USP39: variants seen among roughly 807,000 people sequenced by gnomAD.
USP39 encodes ubiquitin carboxyl-terminal hydrolase 39.
USP39 carries 38 observed loss-of-function variants against 66.4 expected under a neutral mutation model. That is an observed-to-expected ratio of 0.57 (90% CI 0.44 to 0.75). The LOEUF is 0.75. USP39 is among the 30% of genes least tolerant of loss of function. The probability of loss-of-function intolerance (pLI) is 0.00; values close to 1 mark genes in which losing one functional copy is unlikely to be tolerated. For synonymous variants in USP39, 303 were observed against 274.6 expected (o/e 1.10, Z -1.02); for missense variants, 608 against 714.4 (o/e 0.85, Z 1.70).
chr2:85,613,126 G>A (rs1217207142), upstream of USP39, among the ~76,000 whole-genome samples: 3 of 152,130 alleles, frequency 2.0e-5, no homozygotes, highest in Non-Finnish European at 4.4e-5. Context: ...TTGGGATGCC[G>A]AAGTGGGAGT....
In USP39 at chr2:85,620,137, C is replaced by T. The variant is rs1157832633; in HGVS notation, c.338+848C>T. Among the ~76,000 whole-genome samples the T allele has an allele frequency of 2.7e-5, 4 of 150,584 alleles. No homozygotes were observed. In the East Asian group the frequency reaches 8.0e-4, roughly 30 times the overall value. On this transcript the variant is annotated intron_variant, in intron 2 of 12. Transcript: ENST00000323701. ...CCTCCCAAAGTGCTGGGATTACAGG[C>T]ATGAGCCACCACGCCCAGCCAACGA...
In USP39 at chr2:85,617,506, C is replaced by T. The variant is rs185162410; in HGVS notation, c.268+1043C>T. On this transcript the variant is annotated intron_variant, in intron 1 of 12. Transcript: ENST00000323701. ...GCCTTGGAAGATAGAAATGGTGTCT[C>T]CCTACAAAACGAGGAGACAAGGGCA... is the stretch of plus-strand genomic sequence containing the variant. 2.0e-5 allele frequency among the ~76,000 whole-genome samples: 3 copies of T among 152,064 alleles called. No individual in the cohort carries two copies. The South Asian group carries it at 6.2e-4, about 31-fold the overall frequency.
upstream of USP39, chr2:85,608,907 G>A (rs1673322892): frequency 1.2e-6 from 2 of 1,607,882 alleles, no homozygotes; most frequent in Admixed American, 3.3e-5. Flanking sequence ...TCTTCCGAGT[G>A]CAGTGAATCC....
At chr2:85,634,263 A>G (rs1675592749) in intron 6 of USP39, among the ~76,000 whole-genome samples, 1 of 152,014 alleles carries the variant, frequency 6.6e-6, no homozygotes, top group Admixed American at 6.6e-5. Context: ...CGGGTTGGTT[A>G]CAACATGGCC....
At position 85,616,304 on chromosome 2, in the gene USP39, G is replaced by A. The variant is rs1004362393; in HGVS notation, c.109G>A (p.Glu37Lys). The change falls in exon 1 of 13, where the codon GAG (glutamate) becomes AAG (lysine). Residue 37 changes from glutamate (E) to lysine (K), a missense_variant. Glu to Lys is a moderately conservative substitution (Grantham distance 56, BLOSUM62 1). Coordinates refer to ENST00000323701, the MANE Select transcript of USP39 (RefSeq NM_006590.4). Reference protein sequence around the residue: ...RVKRERDREREPEAASSRGSP... With the variant: ...RVKRERDRERKPEAASSRGSP... ...CAAGCGGGAGCGAGATCGGGAGCGG[G>A]AGCCTGAGGCGGCGAGCTCCCGGGG... 3 of 1,579,412 alleles carry A rather than the reference G, an allele frequency of 1.9e-6. No individual in the cohort carries two copies. Among genetic ancestry groups the A allele is most frequent in the African/African-American group, 1.4e-5 (1 of 73,098 alleles).
chr2:85,611,204 A>G, upstream of USP39: 1 of 1,185,058 alleles, frequency 8.4e-7, no homozygotes, highest in South Asian at 1.9e-5. Context: ...ACCTAGTCTC[A>G]AAAATAAAAT....
At chr2:85,607,071 G>A (rs12991467) in intron 1 of USP39, 9,142 of 152,100 alleles carry the variant, frequency 0.06, 368 homozygotes, top group Non-Finnish European at 0.087. Context: ...ATAAGAATGC[G>A]GTCTAAATTT....
intron 8 of USP39, 54 bp downstream of exon 8, chr2:85,637,490 A>G: frequency 6.3e-7 from 1 of 1,581,818 alleles, no homozygotes; most frequent in South Asian, 1.1e-5. Context: ...GAGGGGACGT[A>G]GGGGAGATGA....
At chr2:85,614,199 CA>C (rs1673760695), upstream of USP39, among the ~76,000 whole-genome samples, 1 of 152,024 alleles carries the variant, frequency 6.6e-6, no homozygotes. Flanking sequence ...GTCCACAGTG[CA>C]AAGTAAAAGC....
chr2:85,647,837 T>G (rs532919988), intron 11 of USP39, 93 bp from the exon 12 acceptor site: 1 of 1,141,504 alleles, frequency 8.8e-7, no homozygotes, highest in Non-Finnish European at 1.3e-6. Flanking sequence ...GTGGCTGTTC[T>G]TCTAATTTTT....
chr2:85,625,762 T>C, intron 5 of USP39, 71 bp downstream of exon 5: 2 of 1,561,216 alleles, frequency 1.3e-6, no homozygotes, highest in Non-Finnish European at 1.7e-6. Flanking sequence ...CTCACCCCTG[T>C]AATCCCAGCA....
chr2:85,635,722 G>T (rs529436226), intron 6 of USP39, among the ~76,000 whole-genome samples: 81 of 152,198 alleles, frequency 5.3e-4, no homozygotes, highest in Non-Finnish European at 9.1e-4. Context: ...TTCATGAGCT[G>T]CAGAAGGGAA....
upstream of USP39, chr2:85,608,235 G>C (rs147187251): frequency 6.6e-6 from 1 of 152,350 alleles, no homozygotes; most frequent in East Asian, 1.9e-4. Flanking sequence ...ACAGTGCAAA[G>C]CAGTGGAACA....
chr2:85,615,861 C>T (rs1306315415), upstream of USP39, among the ~76,000 whole-genome samples: 11 of 152,184 alleles, frequency 7.2e-5, no homozygotes, highest in Non-Finnish European at 1.3e-4. Flanking sequence ...AACTCCCGAC[C>T]TCAGGTGATC....
At chr2:85,609,367 CAG>C, upstream of USP39, 2 of 1,570,822 alleles carry the variant, frequency 1.3e-6, no homozygotes, top group Non-Finnish European at 1.7e-6. Flanking sequence ...AAACAGGGCT[CAG>C]GGTCTGACAA....
chr2:85,638,323 A>G (rs1442506724), intron 8 of USP39, among the ~76,000 whole-genome samples: 2 of 150,400 alleles, frequency 1.3e-5, no homozygotes, highest in Non-Finnish European at 3.0e-5. Flanking sequence ...TGCTCGGCCC[A>G]CTTTCTTTTT....
upstream of USP39, chr2:85,612,217 G>T (rs1325715305): frequency 1.5e-5 from 18 of 1,232,324 alleles, no homozygotes; most frequent in Non-Finnish European, 1.9e-5. Context: ...TTTTGTTTTT[G>T]TTTTTTTTTG....
At chr2:85,611,802 CGGGAGTCA>C (rs752216885), upstream of USP39, 6 of 1,609,734 alleles carry the variant, frequency 3.7e-6, no homozygotes, top group Admixed American at 6.7e-5. Flanking sequence ...GGGAGCCGAG[CGGGAGTCA>C]GGGACTGTCG....
chr2:85,613,494 AAAAAACAAAAAAC>A (rs138379299), upstream of USP39, among the ~76,000 whole-genome samples: 12,034 of 152,190 alleles, frequency 0.079, 984 homozygotes, highest in East Asian at 0.31. Flanking sequence ...CCTCCAAATC[AAAAAACAAAAAAC>A]AAAAACAAAA....
Sources: allele counts gnomAD v4.1 joint callset (sites outside exome capture counted in the v4.1 genomes callset), GRCh38; gene constraint gnomAD v4.1.1; transcripts MANE v1.5; gene names NCBI Gene and HGNC (gene_info 2026-07-23, HGNC 2026-07-21).